The following KATNA1 variants were observed in gnomAD, a reference collection of about 807,000 sequenced individuals.
The protein encoded by KATNA1 is katanin catalytic subunit A1.
In KATNA1, 42 loss-of-function variants were observed where a neutral mutation model predicts 62.6. The ratio of observed to expected loss-of-function variants is 0.67; its 90% confidence interval spans 0.52 to 0.87. KATNA1 has a LOEUF of 0.87. Among genes scored for constraint, KATNA1 ranks in the 40% least tolerant of loss-of-function variants. The pLI, the probability that KATNA1 is intolerant of heterozygous loss-of-function variation, is 0.00. For synonymous variants in KATNA1, 186 were observed against 201.9 expected (o/e 0.92, Z 0.67); for missense variants, 498 against 612.5 (o/e 0.81, Z 1.97).
At chr6:149,621,403 C>T (rs1307316493) in intron 4 of KATNA1, among the ~76,000 whole-genome samples, 11 of 152,016 alleles carry the variant, frequency 7.2e-5, no homozygotes, top group Admixed American at 5.9e-4. Context: ...GGATTACAGG[C>T]GTGAGCCACC....
At chr6:149,607,465 T>A (rs1157395126) in intron 4 of KATNA1, among the ~76,000 whole-genome samples, 3 of 151,702 alleles carry the variant, frequency 2.0e-5, no homozygotes, top group African/African-American at 7.3e-5. Context: ...TACAAAAATA[T>A]TAGCTGGGCA....
chr6:149,632,940 T>C, intron 2 of KATNA1, 24 bp from the exon 3 acceptor site: 2 of 1,576,564 alleles, frequency 1.3e-6, no homozygotes, highest in Non-Finnish European at 1.7e-6. Flanking sequence ...AGAAGATGGA[T>C]GTTTAAATTT....
intron 3 of KATNA1, among the ~76,000 whole-genome samples, chr6:149,627,506 C>T (rs1011170700): frequency 4.3e-5 from 6 of 138,116 alleles, no homozygotes; most frequent in African/African-American, 8.5e-5. Flanking sequence ...CCAGCCTGGA[C>T]GACAGAGTGA....
chr6:149,632,489 C>T (rs1271594813), intron 3 of KATNA1, among the ~76,000 whole-genome samples: 1 of 152,164 alleles, frequency 6.6e-6, no homozygotes, highest in East Asian at 1.9e-4. Flanking sequence ...CAATTCCTAA[C>T]CCCATTCTCC....
At chr6:149,611,618 C>A (rs1302668493) in intron 4 of KATNA1, among the ~76,000 whole-genome samples, 2 of 151,958 alleles carry the variant, frequency 1.3e-5, no homozygotes, top group Non-Finnish European at 2.9e-5. Context: ...TCTAGCAATA[C>A]TGACAATGCA....
chr6:149,599,189 A>G (rs963199946), intron 7 of KATNA1, among the ~76,000 whole-genome samples: 4 of 152,146 alleles, frequency 2.6e-5, no homozygotes, highest in African/African-American at 4.8e-5. Context: ...AAGAGAGTCA[A>G]TACTTGGGTC....
At chr6:149,639,161 T>C (rs1780189485) in intron 1 of KATNA1, among the ~76,000 whole-genome samples, 1 of 151,894 alleles carries the variant, frequency 6.6e-6, no homozygotes, top group Non-Finnish European at 1.5e-5. Flanking sequence ...TAGCTGGGCG[T>C]GGTGGCACAT....
At chr6:149,599,830 A>T (rs1400417861) in intron 7 of KATNA1, among the ~76,000 whole-genome samples, 4 of 151,844 alleles carry the variant, frequency 2.6e-5, no homozygotes, top group Non-Finnish European at 5.9e-5. Flanking sequence ...TCTCATTCCT[A>T]TTCCACTACT....
chr6:149,607,728 T>A (rs1388706291), intron 4 of KATNA1, among the ~76,000 whole-genome samples: 1 of 152,204 alleles, frequency 6.6e-6, no homozygotes, highest in Non-Finnish European at 1.5e-5. Flanking sequence ...CAAAATAAAG[T>A]TTCAGATAGA....
At chr6:149,600,892 T>TGATC (rs1778519566) in intron 7 of KATNA1, among the ~76,000 whole-genome samples, 1 of 151,908 alleles carries the variant, frequency 6.6e-6, no homozygotes, top group South Asian at 2.1e-4. Flanking sequence ...CAGCGAGTTG[T>TGATC]GATCATGCTC....
chr6:149,602,163 G>A (rs990593906), intron 6 of KATNA1, among the ~76,000 whole-genome samples: 1 of 152,096 alleles, frequency 6.6e-6, no homozygotes, highest in Admixed American at 6.6e-5. Flanking sequence ...TCAGGAGATT[G>A]GGACCATCCT....
chr6:149,629,477 T>C (rs964349245), intron 3 of KATNA1, among the ~76,000 whole-genome samples: 3 of 152,254 alleles, frequency 2.0e-5, no homozygotes, highest in African/African-American at 7.2e-5. Flanking sequence ...CAAATGTATG[T>C]TGTTTAAGCC....
rs569870973 is a variant in KATNA1 at position 149,636,647 on chromosome 6, A to ATT, written c.162+1737_162+1738dup. Among the ~76,000 whole-genome samples the ATT allele has an allele frequency of 4.5e-3, 665 of 147,188 alleles. 4 individuals carry two copies. Among genetic ancestry groups the ATT allele is most frequent in the African/African-American group, 0.015 (583 of 40,140 alleles). On this transcript the variant is annotated intron_variant, in intron 2 of 10. Coordinates refer to ENST00000367411, the MANE Select transcript of KATNA1 (RefSeq NM_007044.4). ...CCACCTCAAAAAGACTATTACTTTC[A>ATT]TTTTTTTTTTTTGAGACAGAGTCTT...
At chr6:149,604,491 A>G (rs1778658621) in intron 5 of KATNA1, among the ~76,000 whole-genome samples, 170 bp downstream of exon 5, 3 of 151,936 alleles carry the variant, frequency 2.0e-5, no homozygotes. Flanking sequence ...AAAACCTCAG[A>G]CTCTCAGACA....
intron 1 of KATNA1, among the ~76,000 whole-genome samples, chr6:149,646,190 T>C (rs1011604731): frequency 7.2e-5 from 11 of 152,134 alleles, no homozygotes; most frequent in Non-Finnish European, 1.0e-4. Flanking sequence ...GAATTAGACC[T>C]TGAAATCCTT....
chr6:149,633,663 A>G (rs9505824), intron 2 of KATNA1, among the ~76,000 whole-genome samples: 69,369 of 151,264 alleles, frequency 0.46, 17,127 homozygotes, highest in East Asian at 0.81. Flanking sequence ...AGCCCAGGAG[A>G]TGGAGGTTGC....
intron 5 of KATNA1, among the ~76,000 whole-genome samples, 189 bp from the exon 6 acceptor site, chr6:149,603,562 C>T (rs1285861917): frequency 6.6e-6 from 1 of 152,134 alleles, no homozygotes; most frequent in African/African-American, 2.4e-5. Flanking sequence ...AAGAGCACAA[C>T]CTTTTCTTCA....
In KATNA1 at chr6:149,604,719, T is replaced by C. The variant is rs1359608037; in HGVS notation, c.565A>G (p.Lys189Glu). The C allele has an allele frequency of 4.3e-6, 7 of 1,612,800 alleles. No homozygotes were observed. In the East Asian group the frequency reaches 1.3e-4, roughly 31 times the overall value. ...TNKFDSTGYD[K>E]DLVEALERDI... ...CTTTCCAAAGCTTCTACTAAGTCTT[T>C]ATCATATCCGGTACTATCAAATTTA... Residue 189 changes from lysine (K) to glutamate (E), a missense_variant, in exon 5 of 11, where the codon AAA becomes GAA. By Grantham distance (56) the Lys-to-Glu change is moderately conservative (BLOSUM62 1). Transcript: ENST00000367411.
In KATNA1 at chr6:149,618,028, G is replaced by A. The variant is rs912241496; in HGVS notation, c.501+5075C>T. ...AAATTAGCTGGGCATGGTGGCACATGCCTGTAGTCCCAGCTACTCGGCAGG... is the reference window on the plus strand; with the variant it reads ...AAATTAGCTGGGCATGGTGGCACATACCTGTAGTCCCAGCTACTCGGCAGG... On this transcript the variant is annotated intron_variant, in intron 4 of 10. Transcript: ENST00000367411. Among the ~76,000 whole-genome samples, 6 of 147,944 alleles carry A rather than the reference G, an allele frequency of 4.1e-5. No homozygotes were observed. The Admixed American group carries it at 4.1e-4, about 10-fold the overall frequency.
Sources: gnomAD v4.1 joint callset for allele counts (sites outside exome capture counted in the v4.1 genomes callset) on GRCh38, gnomAD v4.1.1 for gene constraint, MANE v1.5 for transcripts, NCBI Gene and HGNC (gene_info 2026-07-23, HGNC 2026-07-21) for gene names.